Variants in SLC4A8 observed in about 807,000 individuals in gnomAD.
The protein encoded by SLC4A8 is electroneutral sodium bicarbonate exchanger 1.
In SLC4A8, 40 loss-of-function variants were observed where a neutral mutation model predicts 125.0. That is an observed-to-expected ratio of 0.32 (90% CI 0.25 to 0.42). The LOEUF is 0.42. Ranked by LOEUF, SLC4A8 falls within the 10% of genes least tolerant of loss-of-function variation. The pLI is 1.00. For missense variants in SLC4A8, 863 were observed against 1,355.1 expected (o/e 0.64, Z 5.70); for synonymous variants, 456 against 476.0 (o/e 0.96, Z 0.55).
rs1235441636 is a variant in SLC4A8 at position 51,512,946 on chromosome 12, GGGC to G, written c.*5509_*5511del. 1.3e-5 allele frequency: 2 copies of G among 152,234 alleles called. No individual in the cohort carries two copies. The highest frequency in any genetic ancestry group is 4.8e-5 in the African/African-American group (2 of 41,460). The allele number at this position is 152,234 out of a possible 1,614,324, so 9.4% of individuals were successfully genotyped here. A position where few individuals can be genotyped will look rare whatever the true frequency, so the allele number is the denominator to read the frequency against. ...GTGATTTCCATGACCACATTTGCTT[GGGC>G]CAGGGAAGTGGTGCACCTCTTTTAT... On this transcript the variant is annotated 3_prime_UTR_variant, in exon 25 of 25. Coordinates refer to ENST00000453097, the MANE Select transcript of SLC4A8 (RefSeq NM_001039960.3).
chr12:51,464,063 T>G (rs1402310432), intron 11 of SLC4A8, among the ~76,000 whole-genome samples: 1 of 152,156 alleles, frequency 6.6e-6, no homozygotes, highest in Non-Finnish European at 1.5e-5. Context: ...TCTAGGACTC[T>G]CTCTGGATGA....
At chr12:51,391,895 G>A (rs1457624487) in intron 1 of SLC4A8, 1 of 152,358 alleles carries the variant, frequency 6.6e-6, no homozygotes, top group Non-Finnish European at 1.5e-5. Flanking sequence ...GAGGGTCCTA[G>A]TCACCCCAAA....
At chr12:51,502,681 T>C (rs1053820056) in intron 22 of SLC4A8, among the ~76,000 whole-genome samples, 3 of 151,976 alleles carry the variant, frequency 2.0e-5, no homozygotes, top group African/African-American at 7.3e-5. Context: ...ATTACTATTA[T>C]TAAAAAATCA....
intron 1 of SLC4A8, chr12:51,392,239 AT>A (rs941374031): frequency 2.0e-5 from 3 of 152,272 alleles, no homozygotes; most frequent in Non-Finnish European, 4.4e-5. Context: ...TCAAAGTGGG[AT>A]CCCCCACCAG....
chr12:51,511,604 G>C lies in SLC4A8; in HGVS notation c.*4166G>C, dbSNP rs935566634. 2.4e-4 allele frequency: 36 copies of C among 152,188 alleles called. No homozygotes were observed. Among genetic ancestry groups the C allele is most frequent in the African/African-American group, 8.7e-4 (36 of 41,414 alleles). 9.4% of individuals were successfully genotyped at this position (152,188 alleles called of 1,614,324 possible). On this transcript the variant is annotated 3_prime_UTR_variant, in exon 25 of 25. Transcript: ENST00000453097. ...AAGTTTCACTATGTTGGCCAGGCTG[G>C]TCTGAAACTCCTGGCCTCAGGTGAT...
At chr12:51,396,562 G>C (rs1199611981) in intron 1 of SLC4A8, among the ~76,000 whole-genome samples, 1 of 151,978 alleles carries the variant, frequency 6.6e-6, no homozygotes, top group East Asian at 1.9e-4. Flanking sequence ...TAAAGAATCA[G>C]CTGGGCCTGG....
At chr12:51,480,372 G>T (rs12366428) in intron 16 of SLC4A8, 321,788 of 1,149,836 alleles carry the variant, frequency 0.28, 47,151 homozygotes, top group Middle Eastern at 0.31. Flanking sequence ...AGAATGTGCT[G>T]CTTAATTTTA....
upstream of SLC4A8, among the ~76,000 whole-genome samples, chr12:51,424,047 A>AC (rs1565762066): frequency 5.8e-4 from 30 of 51,628 alleles, 3 homozygotes; most frequent in Admixed American, 3.4e-3. Context: ...CAAAAAAAAA[A>AC]AAAAAACAAA....
intron 4 of SLC4A8, 113 bp downstream of exon 4, chr12:51,452,372 C>A: frequency 8.3e-7 from 1 of 1,200,152 alleles, no homozygotes; most frequent in Non-Finnish European, 1.2e-6. Flanking sequence ...CTGTGACTGA[C>A]ATGGGGACTG....
At chr12:51,425,151 G>T in intron 1 of SLC4A8, 116 bp downstream of exon 1, 2 of 1,451,050 alleles carry the variant, frequency 1.4e-6, no homozygotes, top group Non-Finnish European at 1.8e-6. Context: ...CTCCCTGAGG[G>T]CGAGGGGAGG....
At chr12:51,501,992 T>C (rs1463801991) in intron 22 of SLC4A8, 1 of 152,194 alleles carries the variant, frequency 6.6e-6, no homozygotes, top group Non-Finnish European at 1.5e-5. Flanking sequence ...GCCCTTTCGC[T>C]TCTATGCACC....
At chr12:51,399,351 C>T (rs982986201) in intron 1 of SLC4A8, among the ~76,000 whole-genome samples, 1 of 152,222 alleles carries the variant, frequency 6.6e-6, no homozygotes, top group Non-Finnish European at 1.5e-5. Context: ...CTGCAGTCAC[C>T]TAGTTTTCCT....
intron 8 of SLC4A8, among the ~76,000 whole-genome samples, chr12:51,460,622 C>T (rs1592222214): frequency 1.3e-5 from 2 of 152,182 alleles, no homozygotes; most frequent in Admixed American, 1.3e-4. Flanking sequence ...TCCAGGGGAA[C>T]GTCTCTGAAT....
At chr12:51,452,061 G>T in intron 3 of SLC4A8, 63 bp from the exon 4 acceptor site, 2 of 1,524,856 alleles carry the variant, frequency 1.3e-6, no homozygotes, top group South Asian at 2.3e-5. Context: ...AGGTAAGGAA[G>T]AATGCTATTT....
intron 17 of SLC4A8, among the ~76,000 whole-genome samples, chr12:51,488,320 G>T (rs910011448): frequency 6.6e-6 from 1 of 152,124 alleles, no homozygotes; most frequent in Non-Finnish European, 1.5e-5. Flanking sequence ...ATGTTTAGGG[G>T]GTGGATTCTG....
At chr12:51,404,815 C>T (rs1200234085) in intron 1 of SLC4A8, among the ~76,000 whole-genome samples, 1 of 152,004 alleles carries the variant, frequency 6.6e-6, no homozygotes, top group East Asian at 1.9e-4. Context: ...CTCCTCCCTT[C>T]CCTGCTTTCT....
At chr12:51,423,143 G>A (rs1948829098), upstream of SLC4A8, among the ~76,000 whole-genome samples, 1 of 152,128 alleles carries the variant, frequency 6.6e-6, no homozygotes, top group South Asian at 2.1e-4. Context: ...GTATACAGAA[G>A]GGCATAAGAA....
chr12:51,493,615 C>A, intron 19 of SLC4A8, 89 bp from the exon 20 acceptor site: 1 of 864,394 alleles, frequency 1.2e-6, no homozygotes, highest in Non-Finnish European at 1.9e-6. Context: ...GACTTTGTTT[C>A]ATTCTTGGAG....
chr12:51,444,254 T>TTCCTAGTG, intron 2 of SLC4A8, among the ~76,000 whole-genome samples: 1 of 152,270 alleles, frequency 6.6e-6, no homozygotes, highest in South Asian at 2.1e-4. Context: ...CTATATTCAT[T>TTCCTAGTG]TCCTAGTGTC....
Sources: gnomAD v4.1 joint callset for allele counts (sites outside exome capture counted in the v4.1 genomes callset) on GRCh38, gnomAD v4.1.1 for gene constraint, MANE v1.5 for transcripts, NCBI Gene and HGNC (gene_info 2026-07-23, HGNC 2026-07-21) for gene names.